EPHB1: variants seen among roughly 807,000 people sequenced by gnomAD.
The protein encoded by EPHB1 is EPH receptor B1, also known as ephrin type-B receptor 1.
EPHB1 carries 30 observed loss-of-function variants against 94.4 expected under a neutral mutation model. That is an observed-to-expected ratio of 0.32 (90% CI 0.24 to 0.43). The LOEUF (loss-of-function observed/expected upper bound fraction) is 0.43. Among genes scored for constraint, EPHB1 ranks in the 20% least tolerant of loss-of-function variants. EPHB1 has a pLI of 1.00. For synonymous variants in EPHB1, 522 were observed against 489.1 expected (o/e 1.07, Z -0.89); for missense variants, 1,055 against 1,308.3 (o/e 0.81, Z 2.99).
intron 2 of EPHB1, among the ~76,000 whole-genome samples, chr3:134,936,343 G>A (rs2039000912): frequency 6.6e-6 from 1 of 152,166 alleles, no homozygotes; most frequent in Non-Finnish European, 1.5e-5. Context: ...AGAGGAGCCT[G>A]GAGCAGGTGA....
At chr3:135,121,953 A>G (rs973814336) in intron 4 of EPHB1, among the ~76,000 whole-genome samples, 1 of 152,144 alleles carries the variant, frequency 6.6e-6, no homozygotes, top group African/African-American at 2.4e-5. Flanking sequence ...GCTTTAACCT[A>G]TGTTATGCCA....
chr3:135,181,915 G>T (rs753903231), intron 10 of EPHB1, among the ~76,000 whole-genome samples: 23 of 152,184 alleles, frequency 1.5e-4, no homozygotes, highest in Non-Finnish European at 2.4e-4. Context: ...GGGGAGAAAT[G>T]ATGCATTTAG....
chr3:135,164,352 C>T (rs1442544162), intron 7 of EPHB1, among the ~76,000 whole-genome samples: 1 of 152,148 alleles, frequency 6.6e-6, no homozygotes, highest in African/African-American at 2.4e-5. Flanking sequence ...AGTTCTCAAA[C>T]ATTGGGGAAC....
At chr3:134,865,272 C>T (rs1000459950) in intron 1 of EPHB1, among the ~76,000 whole-genome samples, 1 of 151,958 alleles carries the variant, frequency 6.6e-6, no homozygotes, top group African/African-American at 2.4e-5. Context: ...TAATTGCAAC[C>T]CATGAAATGG....
At chr3:134,796,681 G>A (rs573553197) in intron 1 of EPHB1, among the ~76,000 whole-genome samples, 1 of 152,182 alleles carries the variant, frequency 6.6e-6, no homozygotes, top group South Asian at 2.1e-4. Context: ...GGCCGCGGCA[G>A]CCTCCTGGGA....
chr3:134,822,560 A>G (rs912969297), intron 1 of EPHB1, among the ~76,000 whole-genome samples: 6 of 152,138 alleles, frequency 3.9e-5, no homozygotes, highest in Admixed American at 6.5e-5. Context: ...TATTTAACAT[A>G]TTGCTTAAAG....
At chr3:135,198,172 A>T (rs1187416193) in intron 11 of EPHB1, among the ~76,000 whole-genome samples, 2 of 152,154 alleles carry the variant, frequency 1.3e-5, no homozygotes, top group Non-Finnish European at 1.5e-5. Context: ...CTTTTTCTCC[A>T]CACAGCGTTT....
At chr3:135,057,310 T>C (rs1366877846) in intron 3 of EPHB1, among the ~76,000 whole-genome samples, 2 of 152,176 alleles carry the variant, frequency 1.3e-5, no homozygotes, top group Non-Finnish European at 2.9e-5. Flanking sequence ...GGAGACTCCA[T>C]GGGAGGAGAC....
intron 3 of EPHB1, among the ~76,000 whole-genome samples, chr3:135,027,912 G>T (rs1936254424): frequency 7.2e-6 from 1 of 139,470 alleles, no homozygotes; most frequent in Non-Finnish European, 1.6e-5. Flanking sequence ...TCCTGTTATT[G>T]GTCTATTCAG....
At chr3:135,084,708 T>C (rs1475160255) in intron 3 of EPHB1, among the ~76,000 whole-genome samples, 1 of 152,184 alleles carries the variant, frequency 6.6e-6, no homozygotes, top group Non-Finnish European at 1.5e-5. Context: ...ACCCAGCAGC[T>C]CCACGGTCCT....
chr3:134,817,002 T>C (rs1261181918), intron 1 of EPHB1, among the ~76,000 whole-genome samples: 1 of 151,926 alleles, frequency 6.6e-6, no homozygotes, highest in East Asian at 1.9e-4. Flanking sequence ...CTTCCTCCCA[T>C]CTCACCAGGA....
At chr3:135,185,285 T>C (rs1264542994) in intron 10 of EPHB1, among the ~76,000 whole-genome samples, 1 of 152,182 alleles carries the variant, frequency 6.6e-6, no homozygotes, top group African/African-American at 2.4e-5. Context: ...GGGGATGATT[T>C]GGCAGAAAGG....
chr3:135,145,873 GT>G (rs2107692003), intron 5 of EPHB1, among the ~76,000 whole-genome samples: 2 of 152,284 alleles, frequency 1.3e-5, no homozygotes, highest in South Asian at 4.2e-4. Context: ...CAATATTCAT[GT>G]TTGTTAGAAC....
At chr3:135,062,669 G>A (rs1183543927) in intron 3 of EPHB1, among the ~76,000 whole-genome samples, 1 of 152,070 alleles carries the variant, frequency 6.6e-6, no homozygotes, top group Non-Finnish European at 1.5e-5. Flanking sequence ...TTCTTTTGCT[G>A]TGCAAAGTTC....
rs149004312 is a variant in EPHB1, at chr3:135,225,246, C to T, written c.2347-15902C>T. On this transcript the variant is annotated intron_variant, in intron 12 of 15. Transcript: ENST00000398015. Reference sequence around the variant, plus strand: ...GGCCCAGAAAGATGCAAGGCGTAATCCAAAAGATGTATCTCCCAATCCTTG... The same window carrying T: ...GGCCCAGAAAGATGCAAGGCGTAATTCAAAAGATGTATCTCCCAATCCTTG... 1.2e-3 allele frequency among the ~76,000 whole-genome samples: 187 copies of T among 152,290 alleles called. 1 individual carries two copies. The highest frequency in any genetic ancestry group is 3.4e-3 in the Middle Eastern group (1 of 294).
chr3:134,841,018 G>A (rs1041284758), intron 1 of EPHB1, among the ~76,000 whole-genome samples: 9 of 152,190 alleles, frequency 5.9e-5, no homozygotes, highest in Non-Finnish European at 7.3e-5. Flanking sequence ...CCTATCTTGG[G>A]ACTTCTTCTG....
intron 3 of EPHB1, among the ~76,000 whole-genome samples, chr3:135,040,226 G>C (rs1481292095): frequency 1.3e-5 from 2 of 152,166 alleles, no homozygotes; most frequent in Admixed American, 6.5e-5. Flanking sequence ...CCATATCTGG[G>C]GTAATAATAC....
chr3:134,997,384 A>G (rs1470914243), intron 3 of EPHB1, among the ~76,000 whole-genome samples: 15 of 152,236 alleles, frequency 9.9e-5, no homozygotes, highest in Admixed American at 9.8e-4. Context: ...GTCTGTAGGC[A>G]GAAACCTTTA....
At chr3:134,958,425 T>TGC (rs1341843056) in intron 3 of EPHB1, among the ~76,000 whole-genome samples, 14 of 151,098 alleles carry the variant, frequency 9.3e-5, no homozygotes, top group African/African-American at 3.2e-4. Context: ...TGTGTGTGTG[T>TGC]GTGTGTGTGT....
Sources: allele counts gnomAD v4.1 joint callset (sites outside exome capture counted in the v4.1 genomes callset), GRCh38; gene constraint gnomAD v4.1.1; transcripts MANE v1.5; gene names NCBI Gene and HGNC (gene_info 2026-07-23, HGNC 2026-07-21).